Variants in KDM2B observed in about 807,000 individuals in gnomAD.
KDM2B encodes the protein lysine-specific demethylase 2B.
A neutral mutation model predicts 150.0 loss-of-function variants in KDM2B; 26 were observed. The ratio of observed to expected loss-of-function variants is 0.17; its 90% CI spans 0.13 to 0.24. The LOEUF is 0.24. Ranked by LOEUF, KDM2B falls within the 10% of genes least tolerant of loss-of-function variation. The probability of loss-of-function intolerance (pLI) is 1.00; values close to 1 mark genes in which losing one functional copy is unlikely to be tolerated. For missense variants in KDM2B, 1,265 were observed against 1,816.9 expected (o/e 0.70, Z 5.52); for synonymous variants, 734 against 729.5 (o/e 1.01, Z -0.10).
At chr12:121,566,394 G>C (rs1411766229) in intron 4 of KDM2B, among the ~76,000 whole-genome samples, 1 of 152,146 alleles carries the variant, frequency 6.6e-6, no homozygotes, top group Non-Finnish European at 1.5e-5. Flanking sequence ...AGCTGAGGCA[G>C]GCAGGTCACC....
the KDM2B span, among the ~76,000 whole-genome samples, chr12:121,412,936 C>T: frequency 7.3e-5 from 11 of 151,378 alleles, no homozygotes; most frequent in African/African-American, 2.4e-4. Context: ...AGGCTGGTCT[C>T]GAACTCTTGA....
At position 121,550,784 on chromosome 12, in the gene KDM2B, G is replaced by A. The variant is rs186077412; in HGVS notation, c.398-1146C>T. On this transcript the variant is annotated intron_variant, in intron 4 of 22. Transcript: ENST00000377071. Reference sequence around the variant, plus strand: ...ACTGGGATTACAGGCATGAGCCACCGCAACTGGCCTAGATTTTTTTTTCCC... The same window carrying A: ...ACTGGGATTACAGGCATGAGCCACCACAACTGGCCTAGATTTTTTTTTCCC... Among the ~76,000 whole-genome samples the A allele has an allele frequency of 5.5e-3, 839 of 152,090 alleles. 10 individuals are homozygous for A. The highest frequency in any genetic ancestry group is 6.8e-3 in the Non-Finnish European group (459 of 67,996).
Position 121,429,195 on chromosome 12 carries a change from A to ATTGT in KDM2B, c.*1089_*1092dup, listed in dbSNP as rs1165019794. 2.6e-5 allele frequency: 4 copies of ATTGT among 152,654 alleles called. No individual in the cohort carries two copies. The highest frequency in any genetic ancestry group is 1.3e-4 in the Admixed American group (2 of 15,278). The allele number at this position is 152,654 out of a possible 1,614,324, so 9.5% of individuals were successfully genotyped here. ...GTTCAAGAGTGGTTTTTTTTGTACA[A>ATTGT]TTGTTTATACAAATTCAACAAAGGT... On this transcript the variant is annotated 3_prime_UTR_variant, in exon 23 of 23. Coordinates refer to ENST00000377071, the MANE Select transcript of KDM2B (RefSeq NM_032590.5).
At chr12:121,415,435 A>G in the KDM2B span, 1 of 192,628 alleles carries the variant, frequency 5.2e-6, no homozygotes, top group Non-Finnish European at 1.1e-5. Context: ...AGCCTGGACA[A>G]CATGGTGAAA....
At chr12:121,530,891 G>A (rs537493676) in intron 8 of KDM2B, among the ~76,000 whole-genome samples, 40 of 152,198 alleles carry the variant, frequency 2.6e-4, no homozygotes, top group Admixed American at 2.6e-3. Context: ...AGGCTCAGAG[G>A]ATGGGGTTGG....
intron 8 of KDM2B, among the ~76,000 whole-genome samples, chr12:121,526,062 T>A (rs915351368): frequency 6.6e-6 from 1 of 152,162 alleles, no homozygotes; most frequent in Non-Finnish European, 1.5e-5. Context: ...AGAAAGTTTG[T>A]TAAATGAAGC....
At chr12:121,448,879 A>G (rs776898345) in intron 13 of KDM2B, among the ~76,000 whole-genome samples, 2 of 152,210 alleles carry the variant, frequency 1.3e-5, no homozygotes, top group Non-Finnish European at 2.9e-5. Context: ...CAAAGAAAAC[A>G]TGGAAAAATC....
intron 1 of KDM2B, chr12:121,579,578 C>A: frequency 7.7e-7 from 1 of 1,300,032 alleles, no homozygotes; most frequent in Middle Eastern, 2.1e-4. Context: ...AGACGGCCCG[C>A]CACAAAGCTC....
At chr12:121,412,058 TTTA>T in the KDM2B span, among the ~76,000 whole-genome samples, 1 of 151,980 alleles carries the variant, frequency 6.6e-6, no homozygotes, top group Non-Finnish European at 1.5e-5. Context: ...GAACATTAAC[TTTA>T]TTATTATTAA....
Position 121,442,541 on chromosome 12 carries a change from T to C in KDM2B, c.2900A>G (p.Asn967Ser), listed in dbSNP as rs1157341102. The C allele has an allele frequency of 3.8e-6, 6 of 1,599,788 alleles. No homozygotes were observed. Among genetic ancestry groups the C allele is most frequent in the Non-Finnish European group, 4.2e-6 (5 of 1,179,890 alleles). Residue 967 changes from asparagine to serine, a missense_variant, in exon 19 of 23, where the codon AAC becomes AGC. Around this residue, in one of 11 missense-constraint regions of KDM2B, gnomAD observed 418 missense variants for 402.4 expected, o/e 1.04. Transcript: ENST00000377071. This position sits in a 1 kb window ranked among gnomAD's most constrained non-coding sequence, Gnocchi z 7.7. ...CGACTTGATGGGCTGCTGGTTCTCG[T>C]TGGCCAGGCTGTTCTCCGTCCTCTG... ...EIQRTENSLANENQQPIKSEP... is the reference protein window; with the variant it reads ...EIQRTENSLASENQQPIKSEP...
At chr12:121,428,464 G>C (rs7967850), downstream of KDM2B, among the ~76,000 whole-genome samples, 15,983 of 152,110 alleles carry the variant, frequency 0.11, 940 homozygotes, top group South Asian at 0.23. Flanking sequence ...TCCACTCCAC[G>C]TGGCCTTGTC....
At chr12:121,523,520 C>T (rs1347544031) in intron 8 of KDM2B, among the ~76,000 whole-genome samples, 1 of 152,226 alleles carries the variant, frequency 6.6e-6, no homozygotes, top group East Asian at 1.9e-4. Flanking sequence ...CAAGCCCGAG[C>T]GGTTCCAGTC....
intron 4 of KDM2B, among the ~76,000 whole-genome samples, chr12:121,562,127 G>A (rs1555313944): frequency 6.6e-6 from 1 of 151,380 alleles, no homozygotes; most frequent in African/African-American, 2.4e-5. Flanking sequence ...CCGAGATCAA[G>A]CCACTGCACT....
chr12:121,559,666 C>T (rs782527329), intron 4 of KDM2B, among the ~76,000 whole-genome samples: 3 of 151,750 alleles, frequency 2.0e-5, no homozygotes, highest in South Asian at 2.1e-4. Context: ...TTTGGGAGGC[C>T]GAGGCAGGAG....
chr12:121,460,913 A>C (rs11065583), intron 12 of KDM2B, among the ~76,000 whole-genome samples: 48,559 of 151,990 alleles, frequency 0.32, 9,303 homozygotes, highest in East Asian at 0.43. Context: ...ATCTATGAGG[A>C]AGGAATTACT....
intron 13 of KDM2B, 23 bp from the exon 14 acceptor site, chr12:121,445,441 ACAAGT>A: frequency 6.4e-7 from 1 of 1,570,918 alleles, no homozygotes; most frequent in Non-Finnish European, 8.6e-7. Context: ...GGAGAACAAG[ACAAGT>A]CATCAGGGGT....
At chr12:121,536,011 C>G in intron 6 of KDM2B, 2 of 979,426 alleles carry the variant, frequency 2.0e-6, no homozygotes, top group African/African-American at 3.5e-5. Flanking sequence ...ACATGCTTAC[C>G]CCACTGACCT....
chr12:121,532,780 C>A (rs1887776867), intron 8 of KDM2B, 26 bp downstream of exon 8: 7 of 1,611,946 alleles, frequency 4.3e-6, no homozygotes, highest in Non-Finnish European at 8.5e-7. Context: ...ACTCGAGGAG[C>A]CCAGAGAGTG....
intron 6 of KDM2B, among the ~76,000 whole-genome samples, chr12:121,542,977 T>G (rs1205638793): frequency 6.6e-6 from 1 of 152,184 alleles, no homozygotes; most frequent in Non-Finnish European, 1.5e-5. Context: ...TTGCAAATCT[T>G]TTGTCTCTGT....
Sources: allele counts gnomAD v4.1 joint callset (sites outside exome capture counted in the v4.1 genomes callset), GRCh38; gene constraint gnomAD v4.1.1; regional missense constraint gnomAD v4.1.1; non-coding constraint Gnocchi (gnomAD v3.1); transcripts MANE v1.5; gene names NCBI Gene and HGNC (gene_info 2026-07-23, HGNC 2026-07-21).